GRIA3: variants seen among roughly 807,000 people sequenced by gnomAD.
The protein encoded by GRIA3 is glutamate ionotropic receptor AMPA type subunit 3, also known as glutamate receptor 3.
In GRIA3, 3 loss-of-function variants were observed where a neutral mutation model predicts 63.0. That is an observed-to-expected ratio of 0.05 (90% confidence interval 0.02 to 0.12). GRIA3 has a LOEUF of 0.12. Ranked by LOEUF, GRIA3 falls within the 10% of genes least tolerant of loss-of-function variation. The pLI is 1.00. For missense variants in GRIA3, 347 were observed against 700.9 expected, an observed-to-expected ratio of 0.50 and a Z score of 5.70; for synonymous variants, 274 against 257.9, an observed-to-expected ratio of 1.06 and a Z score of -0.60.
chrX:123,235,543 T>C (rs970189540), intron 2 of GRIA3, among the ~76,000 whole-genome samples: 1 of 110,681 alleles, frequency 9.0e-6, no homozygotes, highest in African/African-American at 3.3e-5. Context: ...CACAATACAT[T>C]AAAAAAAACA....
chrX:123,394,450 T>C (rs1006825729), intron 5 of GRIA3, among the ~76,000 whole-genome samples: 6 of 111,805 alleles, frequency 5.4e-5, no homozygotes, highest in African/African-American at 1.6e-4. Flanking sequence ...CCCTGGGATT[T>C]GTACCATCAT....
chrX:123,379,310 A>G (rs1001254832), intron 5 of GRIA3, among the ~76,000 whole-genome samples: 2 of 111,668 alleles, frequency 1.8e-5, no homozygotes, highest in African/African-American at 3.3e-5. Context: ...CATGGCCTCA[A>G]TATAAACACC....
chrX:123,312,736 C>T (rs2044803535), intron 3 of GRIA3, among the ~76,000 whole-genome samples: 1 of 112,201 alleles, frequency 8.9e-6, no homozygotes, highest in African/African-American at 3.2e-5. Flanking sequence ...GGGATATATC[C>T]ATCATGACAT....
chrX:123,338,662 T>C (rs984881063), intron 4 of GRIA3, among the ~76,000 whole-genome samples: 14 of 111,961 alleles, frequency 1.3e-4, no homozygotes, highest in African/African-American at 4.2e-4. Context: ...GCAATTCTCC[T>C]GCCTCAGCCT....
rs2044899956 is a variant in GRIA3 at position 123,325,989 on chromosome X, A to T, written c.509-37A>T. 4.4e-6 allele frequency: 5 copies of T among 1,133,213 alleles called. No individual in the cohort carries two copies. The African/African-American group carries it at 9.0e-5, about 20-fold the overall frequency. The allele number at this position is 1,133,213 out of a possible 1,213,427, so 93.4% of individuals were successfully genotyped here. On this transcript the variant is annotated intron_variant, in intron 3 of 15. Coordinates refer to ENST00000620443, the MANE Select transcript of GRIA3 (RefSeq NM_007325.5). The stretch of plus-strand genomic sequence containing the variant: ...TAGAATCTTTAATACCTACAGAAAG[A>T]TTTTTAAATCATTGAAGCTGTTTTT...
intron 5 of GRIA3, among the ~76,000 whole-genome samples, chrX:123,364,153 C>T (rs746176940): frequency 8.9e-6 from 1 of 112,212 alleles, no homozygotes; most frequent in South Asian, 3.7e-4. Context: ...TTGTAATCAA[C>T]CCTTAATTAT....
At chrX:123,395,150 A>G in intron 6 of GRIA3, 21 bp downstream of exon 6, 1 of 1,178,220 alleles carries the variant, frequency 8.5e-7, no homozygotes, top group East Asian at 3.0e-5. Context: ...ATGGCATGTA[A>G]AAAACCTAAG....
At chrX:123,440,079 G>A (rs191349697) in intron 12 of GRIA3, among the ~76,000 whole-genome samples, 134 of 112,129 alleles carry the variant, frequency 1.2e-3, no homozygotes, top group Middle Eastern at 9.3e-3. Context: ...AGTTTGCTAA[G>A]GATAATAGCC....
intron 3 of GRIA3, among the ~76,000 whole-genome samples, chrX:123,265,293 T>C (rs1018550556): frequency 8.9e-6 from 1 of 111,908 alleles, no homozygotes. Context: ...AAAATCCACA[T>C]ATAACTTTGG....
At chrX:123,290,209 T>C (rs941452095) in intron 3 of GRIA3, among the ~76,000 whole-genome samples, 1 of 111,673 alleles carries the variant, frequency 9.0e-6, no homozygotes, top group Non-Finnish European at 1.9e-5. Context: ...CATGCACCTC[T>C]TCTTTCTAGG....
intron 2 of GRIA3, among the ~76,000 whole-genome samples, chrX:123,215,737 G>T (rs765003505): frequency 9.0e-6 from 1 of 111,522 alleles, no homozygotes; most frequent in African/African-American, 3.3e-5. Context: ...CTCTTTTTCT[G>T]GGGGGCAGAG....
At chrX:123,248,435 T>G (rs1418905146) in intron 2 of GRIA3, among the ~76,000 whole-genome samples, 1 of 112,244 alleles carries the variant, frequency 8.9e-6, no homozygotes, top group Non-Finnish European at 1.9e-5. Flanking sequence ...TTTATAAGAT[T>G]GCCAAGACAA....
chrX:123,420,552 T>C (rs1052963444), intron 11 of GRIA3, among the ~76,000 whole-genome samples: 1 of 111,273 alleles, frequency 9.0e-6, no homozygotes, highest in Non-Finnish European at 1.9e-5. Context: ...ATTTTTAACA[T>C]GGCTGGTAAT....
chrX:123,382,361 G>A (rs188547136), intron 5 of GRIA3, among the ~76,000 whole-genome samples: 1 of 111,402 alleles, frequency 9.0e-6, no homozygotes, highest in African/African-American at 3.3e-5. Context: ...AATCTGTGCT[G>A]CTGTGGACAC....
intron 2 of GRIA3, among the ~76,000 whole-genome samples, chrX:123,189,109 A>C (rs971749733): frequency 8.9e-6 from 1 of 111,901 alleles, no homozygotes; most frequent in African/African-American, 3.3e-5. Context: ...TGGGATCTCA[A>C]CTCAGAGATG....
At chrX:123,429,834 T>C (rs921178803) in intron 12 of GRIA3, among the ~76,000 whole-genome samples, 2 of 112,018 alleles carry the variant, frequency 1.8e-5, no homozygotes, top group African/African-American at 3.3e-5. Context: ...CTGGAAAGCA[T>C]TTTTCTTTCA....
chrX:123,338,220 G>C (rs1434989337), intron 4 of GRIA3, among the ~76,000 whole-genome samples: 2 of 112,270 alleles, frequency 1.8e-5, no homozygotes, highest in African/African-American at 6.5e-5. Context: ...TTCCCAGATT[G>C]TGAGAATTGG....
intron 15 of GRIA3, 34 bp from the exon 16 acceptor site, chrX:123,488,679 C>A (rs2045954172): frequency 9.0e-6 from 1 of 111,031 alleles, no homozygotes; most frequent in Non-Finnish European, 1.9e-5. Context: ...AATAGGAAGC[C>A]CCTTCAAATT....
At chrX:123,274,586 T>C (rs1448481954) in intron 3 of GRIA3, among the ~76,000 whole-genome samples, 1 of 112,528 alleles carries the variant, frequency 8.9e-6, no homozygotes, top group Non-Finnish European at 1.9e-5. Flanking sequence ...TGTTCTATTT[T>C]GCTTTTTGAT....
Sources: allele counts gnomAD v4.1 joint callset (sites outside exome capture counted in the v4.1 genomes callset), GRCh38; gene constraint gnomAD v4.1.1; transcripts MANE v1.5; gene names NCBI Gene and HGNC (gene_info 2026-07-23, HGNC 2026-07-21).